Variants in BMP6 observed in about 807,000 individuals in gnomAD.
BMP6 encodes VG-1-R.
Under a neutral mutation model 54.1 loss-of-function variants are expected in BMP6, and 17 were observed. The ratio of observed to expected loss-of-function variants is 0.31; its 90% CI spans 0.22 to 0.47. The LOEUF (loss-of-function observed/expected upper bound fraction) is 0.47, where lower values mean the gene tolerates loss of function less well. Among genes scored for constraint, BMP6 ranks in the 20% least tolerant of loss-of-function variants. The pLI is 1.00. For synonymous variants in BMP6, 328 were observed against 291.2 expected (o/e 1.13, Z -1.28); for missense variants, 720 against 690.4 (o/e 1.04, Z -0.48).
chr6:7,871,570 C>G (rs1759524910), intron 4 of BMP6, among the ~76,000 whole-genome samples: 2 of 152,232 alleles, frequency 1.3e-5, no homozygotes, highest in Admixed American at 1.3e-4. Flanking sequence ...TGGATGAGCA[C>G]CTGGGGCCTT....
rs937254641 is a variant in BMP6, at chr6:7,845,149, A to G, written c.674A>G (p.Asp225Gly). The change falls in exon 2 of 7, where the codon GAC (aspartate) becomes GGC (glycine). Residue 225 changes from aspartate (D) to glycine (G), a missense_variant. Coordinates refer to ENST00000283147, the MANE Select transcript of BMP6 (RefSeq NM_001718.6). ...TTGTTTAATCTTATAGTGGAGTACG[A>G]CAAGGAGTTCTCCCCTCGTCAGCGA... is the stretch of plus-strand genomic sequence containing the variant. ...VMSFVNLVEY[D>G]KEFSPRQRHH... The G allele has an allele frequency of 1.9e-6, 3 of 1,613,436 alleles. No homozygotes were observed. Among genetic ancestry groups the G allele is most frequent in the Non-Finnish European group, 1.7e-6 (2 of 1,179,526 alleles).
intron 2 of BMP6, among the ~76,000 whole-genome samples, chr6:7,851,010 T>G (rs1301147414): frequency 6.6e-6 from 1 of 152,238 alleles, no homozygotes; most frequent in Non-Finnish European, 1.5e-5. Flanking sequence ...AATACTCCAC[T>G]GTCTTAATTC....
At chr6:7,748,995 C>T (rs1757385448) in intron 1 of BMP6, among the ~76,000 whole-genome samples, 1 of 152,190 alleles carries the variant, frequency 6.6e-6, no homozygotes, top group Admixed American at 6.5e-5. Flanking sequence ...GAGGAAAGAC[C>T]TGTAGTACCA....
At chr6:7,874,577 G>C (rs1175235385) in intron 4 of BMP6, among the ~76,000 whole-genome samples, 5 of 152,038 alleles carry the variant, frequency 3.3e-5, no homozygotes, top group Non-Finnish European at 7.4e-5. Flanking sequence ...GCAACACAGA[G>C]AAACACCATC....
At chr6:7,813,041 G>A (rs1758457238) in intron 1 of BMP6, among the ~76,000 whole-genome samples, 1 of 127,598 alleles carries the variant, frequency 7.8e-6, no homozygotes, top group Non-Finnish European at 1.6e-5. Flanking sequence ...GGCTGAGGCA[G>A]GTATTCAAGA....
At chr6:7,835,354 C>T (rs773755028) in intron 1 of BMP6, among the ~76,000 whole-genome samples, 1 of 152,146 alleles carries the variant, frequency 6.6e-6, no homozygotes, top group Non-Finnish European at 1.5e-5. Context: ...CCTTGTGATC[C>T]GCCCAAAGTG....
At chr6:7,862,996 G>T (rs994269452) in intron 4 of BMP6, among the ~76,000 whole-genome samples, 8 of 150,494 alleles carry the variant, frequency 5.3e-5, no homozygotes, top group Non-Finnish European at 8.9e-5. Context: ...GGGTTTTTTT[G>T]TTGTTGTTGT....
intron 4 of BMP6, among the ~76,000 whole-genome samples, chr6:7,877,838 GCCTTCT>G (rs891873373): frequency 2.0e-5 from 3 of 152,152 alleles, no homozygotes; most frequent in Non-Finnish European, 4.4e-5. Context: ...TTTCTCTAAA[GCCTTCT>G]CCTTGCCTTT....
intron 1 of BMP6, among the ~76,000 whole-genome samples, chr6:7,814,608 C>T (rs748344458): frequency 2.1e-4 from 32 of 152,162 alleles, no homozygotes; most frequent in Non-Finnish European, 3.4e-4. Context: ...TTCTCTTCCT[C>T]TCATTCTCAC....
chr6:7,747,355 G>A (rs1757362645), intron 1 of BMP6, among the ~76,000 whole-genome samples: 1 of 152,196 alleles, frequency 6.6e-6, no homozygotes, highest in Admixed American at 6.5e-5. Context: ...GAAGAGGAAG[G>A]CAGAAGAATC....
chr6:7,770,955 T>C (rs546601668), intron 1 of BMP6, among the ~76,000 whole-genome samples: 1 of 152,348 alleles, frequency 6.6e-6, no homozygotes, highest in South Asian at 2.1e-4. Flanking sequence ...TTGAGAGTCA[T>C]TGAGTTTCAG....
In BMP6 at chr6:7,861,528, C is replaced by T. The variant is rs1385998456; in HGVS notation, c.935C>T (p.Ala312Val). Residue 312 changes from alanine to valine, a missense_variant, in exon 3 of 7, where the codon GCC becomes GTC. Physicochemically the swap from Ala to Val is moderately conservative, Grantham distance 64. Coordinates refer to ENST00000283147, the MANE Select transcript of BMP6 (RefSeq NM_001718.6). Reference sequence around the variant, plus strand: ...GGCTGGCTGGAATTTGACATCACGGCCACTAGCAATCTGTGGGTTGTGACT... The same window carrying T: ...GGCTGGCTGGAATTTGACATCACGGTCACTAGCAATCTGTGGGTTGTGACT... The part of the protein sequence containing the change: ...EEGWLEFDIT[A>V]TSNLWVVTPQ... The T allele has an allele frequency of 1.9e-6, 3 of 1,614,050 alleles. No homozygotes were observed. The highest frequency in any genetic ancestry group is 4.5e-5 in the East Asian group (2 of 44,904).
At chr6:7,781,487 A>G (rs1425691430) in intron 1 of BMP6, among the ~76,000 whole-genome samples, 2 of 151,392 alleles carry the variant, frequency 1.3e-5, no homozygotes, top group African/African-American at 4.8e-5. Context: ...TGTGGTTTAG[A>G]GCAAAGAGTA....
At chr6:7,847,001 G>A (rs1759075651) in intron 2 of BMP6, among the ~76,000 whole-genome samples, 1 of 152,086 alleles carries the variant, frequency 6.6e-6, no homozygotes, top group Admixed American at 6.5e-5. Context: ...TTAAGTGACT[G>A]GCATTTAAAA....
chr6:7,782,729 A>G (rs1431555547), intron 1 of BMP6, among the ~76,000 whole-genome samples: 2 of 152,138 alleles, frequency 1.3e-5, no homozygotes, highest in East Asian at 3.8e-4. Flanking sequence ...GAAAGAAAAA[A>G]AAGTATAGAT....
intron 1 of BMP6, among the ~76,000 whole-genome samples, chr6:7,836,461 TG>T (rs1032323526): frequency 1.3e-5 from 2 of 152,184 alleles, no homozygotes; most frequent in Non-Finnish European, 2.9e-5. Context: ...TTGTGAAAAC[TG>T]GTGAAATCAG....
chr6:7,843,913 CA>C (rs1298816870), intron 1 of BMP6, among the ~76,000 whole-genome samples: 9 of 152,262 alleles, frequency 5.9e-5, no homozygotes, highest in Admixed American at 5.9e-4. Flanking sequence ...GTGTAATTGA[CA>C]AATATTGTAT....
chr6:7,841,350 C>T (rs146124506), intron 1 of BMP6, among the ~76,000 whole-genome samples: 1 of 152,262 alleles, frequency 6.6e-6, no homozygotes, highest in East Asian at 1.9e-4. Flanking sequence ...CAGCCCTCTC[C>T]CTTTCTCTCC....
At chr6:7,801,069 G>C (rs1343782680) in intron 1 of BMP6, among the ~76,000 whole-genome samples, 1 of 152,182 alleles carries the variant, frequency 6.6e-6, no homozygotes, top group East Asian at 1.9e-4. Context: ...ATGTATCTCA[G>C]TTCCAGAATG....
Sources: gnomAD v4.1 joint callset for allele counts (sites outside exome capture counted in the v4.1 genomes callset) on GRCh38, gnomAD v4.1.1 for gene constraint, MANE v1.5 for transcripts, NCBI Gene and HGNC (gene_info 2026-07-23, HGNC 2026-07-21) for gene names.